Variants in ATIC observed in about 807,000 individuals in gnomAD.
ATIC encodes the protein 5-aminoimidazole-4-carboxamide ribonucleotide formyltransferase/IMP cyclohydrolase, also known as bifunctional purine biosynthesis protein ATIC.
ATIC carries 64 observed loss-of-function variants against 72.5 expected under a neutral mutation model. That is an observed-to-expected ratio of 0.88 (90% CI 0.72 to 1.09). ATIC has a LOEUF of 1.09. Among genes scored for constraint, ATIC ranks in the 50% least tolerant of loss-of-function variants. The pLI, the probability that ATIC is intolerant of heterozygous loss-of-function variation, is 0.00. For missense variants in ATIC, 787 were observed against 732.4 expected (o/e 1.07, Z -0.86); for synonymous variants, 281 against 267.1 (o/e 1.05, Z -0.51).
chr2:215,365,964 C>T, the ATIC span, among the ~76,000 whole-genome samples: 30 of 95,992 alleles, frequency 3.1e-4, no homozygotes, highest in Non-Finnish European at 4.7e-4. Context: ...CCCCACAGTG[C>T]TATTTTTTTT....
intron 12 of ATIC, among the ~76,000 whole-genome samples, chr2:215,339,350 C>T (rs62204768): frequency 0.13 from 19,640 of 152,104 alleles, 1,744 homozygotes; most frequent in East Asian, 0.5. Context: ...AACCTTGTCT[C>T]TAGAAAAAGT....
the ATIC span, chr2:215,361,102 G>A: frequency 3.6e-5 from 6 of 168,342 alleles, no homozygotes; most frequent in Non-Finnish European, 6.5e-5. Flanking sequence ...AGTGAGTACT[G>A]TGGATATTTA....
At chr2:215,351,343 G>A (rs1258012190), downstream of ATIC, among the ~76,000 whole-genome samples, 1 of 152,210 alleles carries the variant, frequency 6.6e-6, no homozygotes, top group Non-Finnish European at 1.5e-5. Context: ...CTGTTGTTAA[G>A]CCACAAAGTT....
rs772482623 is a variant in ATIC, at chr2:215,349,648, A to G, written c.1772A>G (p.His591Arg). 7.4e-6 allele frequency: 12 copies of G among 1,613,964 alleles called. No individual in the cohort carries two copies. The South Asian group carries it at 9.9e-5, about 13-fold the overall frequency. ...ILAHTNLRLF[H>R]H ...GCTCATACGAACCTTCGGCTCTTCC[A>G]CCACTGATTTTACCACACACTGTTT... Residue 591 changes from histidine to arginine, a missense_variant, in exon 16 of 16, where the codon CAC (histidine) becomes CGC (arginine). Coordinates refer to ENST00000236959, the MANE Select transcript of ATIC (RefSeq NM_004044.7).
At chr2:215,347,341 G>A (rs750680326) in intron 14 of ATIC, 12 of 366,564 alleles carry the variant, frequency 3.3e-5, no homozygotes, top group African/African-American at 1.7e-4. Context: ...ATTGCCTGAC[G>A]GCAGGTAACC....
the ATIC span, chr2:215,362,401 GA>G: frequency 2.9e-6 from 1 of 341,468 alleles, no homozygotes; most frequent in South Asian, 2.9e-5. Flanking sequence ...TGCACTAGAT[GA>G]TAGAAAAGGT....
In ATIC at chr2:215,338,792, A is replaced by T; in HGVS notation, c.1112A>T (p.Tyr371Phe). 1 of 1,613,770 alleles carries T rather than the reference A, an allele frequency of 6.2e-7. No homozygotes were observed. Among genetic ancestry groups the T allele is most frequent in the Non-Finnish European group, 8.5e-7 (1 of 1,179,800 alleles). ...NYCVLQMDQS[Y>F]KPDENEVRTL... is the part of the protein sequence containing the mutation. ...TTTGTATTTTAGATGGACCAATCTTACAAACCAGATGAAAATGAAGTTCGA... is the reference window on the plus strand; with the variant it reads ...TTTGTATTTTAGATGGACCAATCTTTCAAACCAGATGAAAATGAAGTTCGA... The change falls in exon 12 of 16, where the codon TAC becomes TTC. Residue 371 changes from tyrosine (Y) to phenylalanine (F), a missense_variant. Tyr to Phe is a conservative substitution (Grantham distance 22, BLOSUM62 3). Coordinates refer to ENST00000236959, the MANE Select transcript of ATIC (RefSeq NM_004044.7).
At chr2:215,328,969 G>A (rs1369705515) in intron 7 of ATIC, among the ~76,000 whole-genome samples, 3 of 152,162 alleles carry the variant, frequency 2.0e-5, no homozygotes, top group East Asian at 3.9e-4. Context: ...TGCCTGCCTC[G>A]GCCTCCCAAA....
rs2052904250 is a variant in ATIC, at chr2:215,332,324, C to CAT, written c.689-56_689-55dup. ...TCATGTTATTTTTTTGAGAAGTGTG[C>CAT]ATACATCTGACCTTACTGATCCTGC... On this transcript the variant is annotated intron_variant, in intron 7 of 15. Transcript: ENST00000236959. 1.0e-5 allele frequency: 16 copies of CAT among 1,606,830 alleles called. No homozygotes were observed. The East Asian group carries it at 3.6e-4, about 36-fold the overall frequency.
At chr2:215,348,216 ATAT>A (rs895366284) in intron 14 of ATIC, among the ~76,000 whole-genome samples, 2 of 152,216 alleles carry the variant, frequency 1.3e-5, no homozygotes, top group Non-Finnish European at 2.9e-5. Context: ...ACCATAGCAA[ATAT>A]TATGAATTGT....
Position 215,312,524 on chromosome 2 carries a change from G to C in ATIC, c.46G>C (p.Gly16Arg). The C allele has an allele frequency of 1.2e-6, 2 of 1,614,180 alleles. No individual in the cohort carries two copies. Among genetic ancestry groups the C allele is most frequent in the Non-Finnish European group, 1.7e-6 (2 of 1,180,034 alleles). ...LALFSVSDKT[G>R]LVEFARNLTA... The stretch of plus-strand genomic sequence containing the variant: ...CTTATTTAGTGTCTCTGACAAAACC[G>C]GCCTTGTGGAATTTGCAAGAAACCT... The change falls in exon 2 of 16, where the codon GGC becomes CGC. Residue 16 changes from glycine to arginine, a missense_variant. Physicochemically the swap from Gly to Arg is moderately radical, Grantham distance 125. Transcript: ENST00000236959.
Position 215,346,858 on chromosome 2 carries a change from C to G in ATIC, c.1420C>G (p.Leu474Val). Residue 474 changes from leucine (L) to valine (V), a missense_variant, in exon 14 of 16, where the codon CTT (leucine) becomes GTT (valine). Leu to Val is a conservative substitution (Grantham distance 32). Transcript: ENST00000236959. ...YWWLRHHPQV[L>V]SMKFKTGVKR... Reference sequence around the variant, plus strand: ...GTGGCTTAGACACCATCCACAAGTGCTTTCGATGAAGTTTAAAACAGGAGT... The same window carrying G: ...GTGGCTTAGACACCATCCACAAGTGGTTTCGATGAAGTTTAAAACAGGAGT... 6.2e-7 allele frequency: 1 copy of G among 1,614,170 alleles called. No individual in the cohort carries two copies. The highest frequency in any genetic ancestry group is 8.5e-7 in the Non-Finnish European group (1 of 1,180,038).
the ATIC span, chr2:215,361,620 T>G: frequency 6.2e-7 from 1 of 1,609,850 alleles, no homozygotes; most frequent in East Asian, 2.2e-5. Flanking sequence ...ATTGGGCAAT[T>G]AACATTCTGT....
chr2:215,314,206 T>C (rs1213304334), intron 2 of ATIC, among the ~76,000 whole-genome samples: 1 of 152,230 alleles, frequency 6.6e-6, no homozygotes, highest in Non-Finnish European at 1.5e-5. Flanking sequence ...TTCTCTTCTA[T>C]GAAAGGATAA....
chr2:215,313,330 T>C (rs1456333973), intron 2 of ATIC, among the ~76,000 whole-genome samples: 1 of 152,178 alleles, frequency 6.6e-6, no homozygotes, highest in Non-Finnish European at 1.5e-5. Flanking sequence ...TCCCTTAGAA[T>C]CTCTGGTAAC....
intron 2 of ATIC, among the ~76,000 whole-genome samples, chr2:215,314,137 C>T (rs1373177851): frequency 6.6e-6 from 1 of 152,170 alleles, no homozygotes; most frequent in African/African-American, 2.4e-5. Flanking sequence ...CCTATACCCA[C>T]TCCTCACTTA....
intron 2 of ATIC, among the ~76,000 whole-genome samples, chr2:215,316,989 C>T (rs771827613): frequency 6.6e-6 from 1 of 152,148 alleles, no homozygotes; most frequent in Non-Finnish European, 1.5e-5. Context: ...CTGGAACTCC[C>T]TTACCTCAGG....
Position 215,332,545 on chromosome 2 carries a change from GA to G in ATIC, c.814+41del. On this transcript the variant is annotated intron_variant, in intron 8 of 15. Transcript: ENST00000236959. ...GCTCTGGAAAGCTCCAGAATTGTTC[GA>G]AAGGCATTTCTTCTTAAATTTTTTT... The G allele has an allele frequency of 3.1e-6, 5 of 1,608,992 alleles. No individual in the cohort carries two copies. The East Asian group carries it at 1.1e-4, about 36-fold the overall frequency.
In ATIC at chr2:215,326,831, C is replaced by G. The variant is rs754023595; in HGVS notation, c.541C>G (p.His181Asp). 4.5e-5 allele frequency: 73 copies of G among 1,613,924 alleles called. No individual in the cohort carries two copies. Among genetic ancestry groups the G allele is most frequent in the Non-Finnish European group, 5.9e-5 (70 of 1,180,020 alleles). The change falls in exon 7 of 16, where the codon CAT (histidine) becomes GAT (aspartate). Residue 181 changes from histidine (H) to aspartate (D), a missense_variant. By Grantham distance (81) the His-to-Asp change is moderately conservative. Coordinates refer to ENST00000236959, the MANE Select transcript of ATIC (RefSeq NM_004044.7). ...RRQLALKAFTHTAQYDEAISD... is the reference protein window; with the variant it reads ...RRQLALKAFTDTAQYDEAISD... Reference sequence around the variant, plus strand: ...CTTACGCTTTTTGTAGGCATTCACTCATACGGCACAATATGATGAAGCAAT... The same window carrying G: ...CTTACGCTTTTTGTAGGCATTCACTGATACGGCACAATATGATGAAGCAAT...
Sources: allele counts gnomAD v4.1 joint callset (sites outside exome capture counted in the v4.1 genomes callset), GRCh38; gene constraint gnomAD v4.1.1; transcripts MANE v1.5; gene names NCBI Gene and HGNC (gene_info 2026-07-23, HGNC 2026-07-21).